The following DMKN variants were observed in gnomAD, a reference collection of about 807,000 sequenced individuals.
The protein encoded by DMKN is dermokine.
DMKN carries 58 observed loss-of-function variants against 67.6 expected under a neutral mutation model. The ratio of observed to expected loss-of-function variants is 0.86; its 90% CI spans 0.69 to 1.07. The LOEUF is 1.07. DMKN is among the 50% of genes least tolerant of loss of function. The pLI, the probability that DMKN is intolerant of heterozygous loss-of-function variation, is 0.00. For missense variants in DMKN, 596 were observed against 601.5 expected (o/e 0.99, Z 0.10); for synonymous variants, 240 against 232.3 (o/e 1.03, Z -0.30).
chr19:35,497,517 G>A lies in DMKN; in HGVS notation c.*22C>T, dbSNP rs543562386. On this transcript the variant is annotated 3_prime_UTR_variant, in exon 16 of 16. Transcript: ENST00000339686. Reference sequence around the variant, plus strand: ...GACGACCAGTGCTTTTCGGGGCCTCGGTGGTGGTTGCAAGAAATTGCCTAG... The same window carrying A: ...GACGACCAGTGCTTTTCGGGGCCTCAGTGGTGGTTGCAAGAAATTGCCTAG... 7.2e-5 allele frequency: 11 copies of A among 152,346 alleles called. No homozygotes were observed. Among genetic ancestry groups the A allele is most frequent in the East Asian group, 5.8e-4 (3 of 5,186 alleles). The allele number at this position is 152,346 out of a possible 1,614,324, so 9.4% of individuals were successfully genotyped here. A position where few individuals can be genotyped will look rare whatever the true frequency, so the allele number is the denominator to read the frequency against.
At chr19:35,500,202 C>A in intron 12 of DMKN, 173 bp from the exon 13 acceptor site, 2 of 1,168,928 alleles carry the variant, frequency 1.7e-6, no homozygotes, top group African/African-American at 1.5e-5. Context: ...CCAGGGCCCC[C>A]ACCCTCACCT....
chr19:35,502,356 T>C (rs115227767), intron 10 of DMKN, among the ~76,000 whole-genome samples, 173 bp from the exon 11 acceptor site: 4 of 151,828 alleles, frequency 2.6e-5, no homozygotes, highest in East Asian at 1.9e-4. Flanking sequence ...TGAGATGGTA[T>C]TGGTGATAAG....
intron 7 of DMKN, chr19:35,507,656 G>C: frequency 1.5e-6 from 1 of 665,198 alleles, no homozygotes; most frequent in Middle Eastern, 4.1e-4. Context: ...AGAGGCCTGA[G>C]AAAGAGGTCC....
intron 12 of DMKN, 120 bp from the exon 13 acceptor site, chr19:35,500,149 C>A (rs899319854): frequency 4.8e-6 from 6 of 1,240,966 alleles, no homozygotes; most frequent in Non-Finnish European, 7.0e-6. Context: ...CTGCTCCCCT[C>A]CTTGTGTCAC....
chr19:35,506,178 C>A lies in DMKN; in HGVS notation c.1039-192G>T, dbSNP rs1158255028. ...ACCTCCTCCACTGCCCCAGCTCGAC[C>A]CTTGCCCCTGGGTGGGGAAAAGGGG... is the stretch of plus-strand genomic sequence containing the variant. On this transcript the variant is annotated intron_variant, in intron 7 of 15. Coordinates refer to ENST00000339686, the MANE Select transcript of DMKN (RefSeq NM_033317.5). 4 of 1,525,042 alleles carry A rather than the reference C, an allele frequency of 2.6e-6. No homozygotes were observed. The African/African-American group carries it at 4.1e-5, about 16-fold the overall frequency. The allele number at this position is 1,525,042 out of a possible 1,614,324, so 94.5% of individuals were successfully genotyped here.
rs766879863 is a variant in DMKN at position 35,499,966 on chromosome 19, G to A, written c.1351C>T (p.Pro451Ser). 3 of 1,614,100 alleles carry A rather than the reference G, an allele frequency of 1.9e-6. No homozygotes were observed. Among genetic ancestry groups the A allele is most frequent in the East Asian group, 4.5e-5 (2 of 44,876 alleles). Residue 451 changes from proline (P) to serine (S), a missense_variant, in exon 13 of 16, where the codon CCT becomes TCT. Transcript: ENST00000339686. ...AYGGKYSVKT[P>S]AKGGVSPSSS... ...GTGGTTGCCGGTCTCACCTTTGCAG[G>A]GGTCTTGACTGAGTACTTCCCACCA...
At chr19:35,497,560 G>A (rs2067641266) in intron 15 of DMKN, 22 bp from the exon 16 acceptor site, 1 of 152,228 alleles carries the variant, frequency 6.6e-6, no homozygotes, top group Admixed American at 6.5e-5. Context: ...AAAATCAAAT[G>A]GTAGCACGTG....
intron 7 of DMKN, 25 bp from the exon 8 acceptor site, chr19:35,506,011 T>A (rs1325476283): frequency 6.2e-7 from 1 of 1,614,044 alleles, no homozygotes; most frequent in East Asian, 2.2e-5. Flanking sequence ...AGATATGGGA[T>A]GAGAGAAGAA....
At chr19:35,501,858 G>A (rs1303682437) in intron 11 of DMKN, 3 of 1,585,004 alleles carry the variant, frequency 1.9e-6, no homozygotes, top group African/African-American at 1.3e-5. Flanking sequence ...GCCAGGCCCA[G>A]CAGGAGCAGG....
chr19:35,511,444 G>A lies in DMKN; in HGVS notation c.885C>T (p.Gly295=). 1.3e-6 allele frequency: 2 copies of A among 1,589,134 alleles called. No homozygotes were observed. Among genetic ancestry groups the A allele is most frequent in the Non-Finnish European group, 8.5e-7 (1 of 1,172,210 alleles). Residue 295 remains glycine (G), a synonymous_variant, in exon 5 of 16, where the codon GGC becomes GGT. Coordinates refer to ENST00000339686, the MANE Select transcript of DMKN (RefSeq NM_033317.5). ...ACTCACTGCCGCTGTCACCTCTGCT[G>A]CCACCACTGTTGCCACTGCTGCCAC... ...SSGGSSGNSG[G]SRGDSGSESS...
At position 35,511,959 on chromosome 19, in the gene DMKN, G is replaced by GCCT. The variant is rs2146232675; in HGVS notation, c.685-149_685-147dup. ...TTTCTCCCACCTCCCCTTCCCATCT[G>GCCT]CCTCCTCCCCAGGCCCAGGCCCGTC... On this transcript the variant is annotated intron_variant, in intron 3 of 15. Transcript: ENST00000339686. 3.6e-6 allele frequency: 3 copies of GCCT among 832,182 alleles called. No individual in the cohort carries two copies. The East Asian group carries it at 8.9e-5, about 25-fold the overall frequency. The allele number at this position is 832,182 out of a possible 1,614,324, so 51.5% of individuals were successfully genotyped here.
chr19:35,507,925 TA>T (rs988072366), intron 7 of DMKN: 45 of 460,852 alleles, frequency 9.8e-5, no homozygotes, highest in Non-Finnish European at 1.5e-4. Context: ...TTGGCATTAG[TA>T]AAAAAAGGAG....
In DMKN at chr19:35,513,064, G is replaced by A. The variant is rs761707867; in HGVS notation, c.412C>T (p.His138Tyr). 1 of 1,613,658 alleles carries A rather than the reference G, an allele frequency of 6.2e-7. No homozygotes were observed. Among genetic ancestry groups the A allele is most frequent in the Non-Finnish European group, 8.5e-7 (1 of 1,180,018 alleles). Residue 138 changes from histidine (H) to tyrosine (Y), a missense_variant, in exon 1 of 16, where the codon CAC becomes TAC. Physicochemically the swap from His to Tyr is moderately conservative, Grantham distance 83. Transcript: ENST00000339686. The stretch of plus-strand genomic sequence containing the variant: ...CAGCCACTCACCCAAGCACCATTGT[G>A]GCCAGGCACCCCCTGCCAGGAGCCG... ...VRGSWQGVPG[H>Y]NGAWETSGGH...
chr19:35,506,338 CA>C (rs2069510686), intron 7 of DMKN: 1 of 743,722 alleles, frequency 1.3e-6, no homozygotes, highest in Non-Finnish European at 2.2e-6. Flanking sequence ...TACACAGCAC[CA>C]AAAAGTTCAC....
Position 35,505,702 on chromosome 19 carries a change from G to C in DMKN, c.1134+16C>G, listed in dbSNP as rs1599926812. ...CTTCCCTATAGCCCTCTCCGACGAA[G>C]ATGTCCAGCCCTTACCTTGTTTATG... On this transcript the variant is annotated intron_variant, in intron 9 of 15. Coordinates refer to ENST00000339686, the MANE Select transcript of DMKN (RefSeq NM_033317.5). The C allele has an allele frequency of 6.2e-7, 1 of 1,614,210 alleles. No individual in the cohort carries two copies. The highest frequency in any genetic ancestry group is 1.3e-5 in the African/African-American group (1 of 75,062).
chr19:35,510,115 C>G, intron 6 of DMKN, 69 bp downstream of exon 6: 2 of 1,565,648 alleles, frequency 1.3e-6, no homozygotes, highest in Non-Finnish European at 8.7e-7. Flanking sequence ...CTCCCCGATC[C>G]TGCGAGTGAA....
Position 35,510,161 on chromosome 19 carries a change from G to A in DMKN, c.987+23C>T, listed in dbSNP as rs749408619. ...CTCCTTTTCCTTCCCGCGGTTGGTGGGAGATTCACGCCAGCCACTCACCCC... is the reference window on the plus strand; with the variant it reads ...CTCCTTTTCCTTCCCGCGGTTGGTGAGAGATTCACGCCAGCCACTCACCCC... On this transcript the variant is annotated intron_variant, in intron 6 of 15. Transcript: ENST00000339686. 5.0e-6 allele frequency: 8 copies of A among 1,600,194 alleles called. No homozygotes were observed. In the South Asian group the frequency reaches 7.9e-5, roughly 16 times the overall value.
rs564078379 is a variant in DMKN, at chr19:35,501,458, A to G, written c.1239+678T>C. 1.3e-4 allele frequency among the ~76,000 whole-genome samples: 20 copies of G among 152,350 alleles called. No individual in the cohort carries two copies. In the South Asian group the frequency reaches 4.1e-3, roughly 32 times the overall value. On this transcript the variant is annotated intron_variant, in intron 11 of 15. Transcript: ENST00000339686. ...CGCCACCCTGTTCACACATGCATGC[A>G]TGACTGCACTTAGCTGGAGCGCCTC...
intron 9 of DMKN, among the ~76,000 whole-genome samples, chr19:35,504,127 G>A (rs777432279): frequency 1.3e-5 from 2 of 152,098 alleles, no homozygotes; most frequent in Non-Finnish European, 2.9e-5. Context: ...GCCTCACTGC[G>A]ATCACTCCCT....
Sources: allele counts gnomAD v4.1 joint callset (sites outside exome capture counted in the v4.1 genomes callset), GRCh38; gene constraint gnomAD v4.1.1; transcripts MANE v1.5; gene names NCBI Gene and HGNC (gene_info 2026-07-23, HGNC 2026-07-21).